The following PCDH9 variants were observed in gnomAD, a reference collection of about 807,000 sequenced individuals.
PCDH9 encodes protocadherin-9.
Under a neutral mutation model 70.6 loss-of-function variants are expected in PCDH9, and 24 were observed. The observed-to-expected ratio is 0.34, with a 90% CI of 0.25 to 0.48. The LOEUF (loss-of-function observed/expected upper bound fraction) is 0.48, where lower values mean the gene tolerates loss of function less well. Ranked by LOEUF, PCDH9 falls within the 20% of genes least tolerant of loss-of-function variation. The pLI, the probability that PCDH9 is intolerant of heterozygous loss-of-function variation, is 0.99. For synonymous variants in PCDH9, 562 were observed against 558.5 expected (o/e 1.01, Z -0.09); for missense variants, 1,281 against 1,503.6 (o/e 0.85, Z 2.45).
At chr13:66,396,529 C>T (rs952660480) in intron 4 of PCDH9, among the ~76,000 whole-genome samples, 4 of 152,218 alleles carry the variant, frequency 2.6e-5, no homozygotes, top group African/African-American at 9.6e-5. Flanking sequence ...CATTACATCC[C>T]CCAATGCTTA....
At position 66,750,822 on chromosome 13, in the gene PCDH9, T is replaced by C. The variant is rs2079445702; in HGVS notation, c.3139-119411A>G. The stretch of plus-strand genomic sequence containing the variant: ...GAGCACAGCCCTACCCATAAAACAT[T>C]AGCAAAAGGGAAGTAGAGTGGTTAT... On this transcript the variant is annotated intron_variant, in intron 3 of 4. Transcript: ENST00000377865. 2.6e-5 allele frequency among the ~76,000 whole-genome samples: 4 copies of C among 152,142 alleles called. No individual in the cohort carries two copies. The South Asian group carries it at 8.3e-4, about 32-fold the overall frequency.
At chr13:67,105,327 C>A (rs371567944) in intron 2 of PCDH9, among the ~76,000 whole-genome samples, 41 of 152,130 alleles carry the variant, frequency 2.7e-4, no homozygotes, top group African/African-American at 9.2e-4. Context: ...CAAAGAAATT[C>A]TAAACTTTGG....
At chr13:67,038,080 G>A (rs951986182) in intron 2 of PCDH9, among the ~76,000 whole-genome samples, 2 of 152,136 alleles carry the variant, frequency 1.3e-5, no homozygotes, top group African/African-American at 4.8e-5. Context: ...ATTAGAATAT[G>A]GTTGTTAGAT....
chr13:67,025,149 G>C (rs1342943810), intron 2 of PCDH9, among the ~76,000 whole-genome samples: 4 of 152,174 alleles, frequency 2.6e-5, no homozygotes, highest in Admixed American at 6.5e-5. Flanking sequence ...ACAAACACTA[G>C]GGAAGAAGAA....
chr13:66,792,916 A>T (rs552769638), intron 3 of PCDH9, among the ~76,000 whole-genome samples: 1 of 151,968 alleles, frequency 6.6e-6, no homozygotes, highest in African/African-American at 2.4e-5. Context: ...GATAGTGAAA[A>T]TGTTAAATAT....
At chr13:66,406,631 AG>A (rs1957285377) in intron 4 of PCDH9, among the ~76,000 whole-genome samples, 1 of 152,206 alleles carries the variant, frequency 6.6e-6, no homozygotes, top group Non-Finnish European at 1.5e-5. Context: ...TTAGGATCAC[AG>A]TTTAGCTTTG....
chr13:66,451,682 G>A (rs1449936482), intron 4 of PCDH9, among the ~76,000 whole-genome samples: 1 of 152,126 alleles, frequency 6.6e-6, no homozygotes, highest in Non-Finnish European at 1.5e-5. Flanking sequence ...AAGTCACAAA[G>A]CTACCAAATG....
chr13:66,462,415 C>T (rs1418825216), intron 4 of PCDH9, among the ~76,000 whole-genome samples: 1 of 151,616 alleles, frequency 6.6e-6, no homozygotes, highest in Non-Finnish European at 1.5e-5. Flanking sequence ...TAGGTTGGAA[C>T]ATAAGTTGTT....
intron 3 of PCDH9, among the ~76,000 whole-genome samples, chr13:66,794,284 G>C (rs1448671677): frequency 6.6e-6 from 1 of 151,982 alleles, no homozygotes; most frequent in African/African-American, 2.4e-5. Context: ...AGGAAAGAAG[G>C]AAAGAGAGGG....
chr13:66,457,333 G>A (rs1958336727), intron 4 of PCDH9, among the ~76,000 whole-genome samples: 1 of 151,966 alleles, frequency 6.6e-6, no homozygotes, highest in South Asian at 2.1e-4. Context: ...TTTTAACGCT[G>A]CATAAAATTT....
intron 3 of PCDH9, among the ~76,000 whole-genome samples, chr13:66,695,818 T>C (rs906306858): frequency 6.6e-6 from 1 of 152,172 alleles, no homozygotes; most frequent in Admixed American, 6.5e-5. Context: ...CACATAATAT[T>C]AGTTTAATTA....
intron 2 of PCDH9, among the ~76,000 whole-genome samples, chr13:66,932,476 T>C (rs1021305725): frequency 5.3e-5 from 8 of 151,928 alleles, no homozygotes; most frequent in Middle Eastern, 3.4e-3. Flanking sequence ...TAAAACCAAA[T>C]AGAAGAAATA....
intron 4 of PCDH9, among the ~76,000 whole-genome samples, chr13:66,610,062 A>G (rs1405531658): frequency 1.4e-5 from 2 of 147,548 alleles, no homozygotes; most frequent in Non-Finnish European, 3.0e-5. Flanking sequence ...GGTTCACGCC[A>G]TTCTCCTGCC....
intron 2 of PCDH9, 53 bp downstream of exon 2, chr13:67,225,352 T>A (rs2089829941): frequency 6.5e-7 from 1 of 1,549,614 alleles, no homozygotes; most frequent in East Asian, 2.2e-5. Context: ...TTAATACTGG[T>A]TGACTGGGCA....
Position 66,559,813 on chromosome 13 carries a change from A to AT in PCDH9, c.3340+71396_3340+71397insA, listed in dbSNP as rs1282158038. On this transcript the variant is annotated intron_variant, in intron 4 of 4. Transcript: ENST00000377865. ...AGACTCCATCTCAAAAAAAAAAAAAAAAAAATATATATATATATATACACA... is the reference window on the plus strand; with the variant it reads ...AGACTCCATCTCAAAAAAAAAAAAAATAAAAATATATATATATATATACACA... Among the ~76,000 whole-genome samples the AT allele has an allele frequency of 2.5e-4, 16 of 63,832 alleles. No individual in the cohort carries two copies. In the East Asian group the frequency reaches 4.0e-3, roughly 16 times the overall value. The allele number at this position is 63,832 out of a possible 152,430, so 41.9% of individuals were successfully genotyped here.
At chr13:66,553,062 C>T (rs1489108076) in intron 4 of PCDH9, among the ~76,000 whole-genome samples, 2 of 152,160 alleles carry the variant, frequency 1.3e-5, no homozygotes, top group Non-Finnish European at 2.9e-5. Context: ...AATTACCTCT[C>T]ACCTGGCCCC....
intron 3 of PCDH9, among the ~76,000 whole-genome samples, chr13:66,636,942 G>A (rs2077646061): frequency 6.6e-6 from 1 of 151,896 alleles, no homozygotes; most frequent in Admixed American, 6.6e-5. Context: ...TCTCAAAGTA[G>A]CAAAGGAAAT....
At chr13:67,139,359 T>A (rs2087315183) in intron 2 of PCDH9, among the ~76,000 whole-genome samples, 1 of 152,232 alleles carries the variant, frequency 6.6e-6, no homozygotes. Flanking sequence ...GCTCAGAGAT[T>A]CAGCACAGTT....
chr13:67,122,633 G>C (rs2086898627), intron 2 of PCDH9, among the ~76,000 whole-genome samples: 1 of 151,826 alleles, frequency 6.6e-6, no homozygotes, highest in African/African-American at 2.4e-5. Flanking sequence ...AATTAGCTGG[G>C]TGTAGTGATG....
Sources: gnomAD v4.1 joint callset for allele counts (sites outside exome capture counted in the v4.1 genomes callset) on GRCh38, gnomAD v4.1.1 for gene constraint, MANE v1.5 for transcripts, NCBI Gene and HGNC (gene_info 2026-07-23, HGNC 2026-07-21) for gene names.